FAM107B: variants seen among roughly 807,000 people sequenced by gnomAD.
FAM107B encodes family with sequence similarity 107 member B, also known as protein FAM107B.
Under a neutral mutation model 31.5 loss-of-function variants are expected in FAM107B, and 21 were observed. That is an observed-to-expected ratio of 0.67 (90% CI 0.47 to 0.96). FAM107B has a LOEUF of 0.96. Among genes scored for constraint, FAM107B ranks in the 40% least tolerant of loss-of-function variants. The probability of loss-of-function intolerance (pLI) is 0.00; values close to 1 mark genes in which losing one functional copy is unlikely to be tolerated. For synonymous variants in FAM107B, 157 were observed against 141.5 expected, an observed-to-expected ratio of 1.11 and a Z score of -0.78; for missense variants, 452 against 377.1, an observed-to-expected ratio of 1.20 and a Z score of -1.64.
rs1292744931 is a variant in FAM107B at position 14,774,687 on chromosome 10, G to A, written c.-24C>T. The A allele has an allele frequency of 1.9e-6, 3 of 1,595,350 alleles. No individual in the cohort carries two copies. In the Admixed American group the frequency reaches 5.1e-5, roughly 27 times the overall value. ...ATGACTTGCAGTGAATCATTGCAAA[G>A]TTCAAACGGGGCAAGGAAATTTTCC... On this transcript the variant is annotated 5_prime_UTR_variant, in exon 1 of 5. Coordinates refer to ENST00000181796, the MANE Select transcript of FAM107B (RefSeq NM_031453.4).
At chr10:14,582,676 C>T (rs570800676) in intron 2 of FAM107B, among the ~76,000 whole-genome samples, 25 of 152,210 alleles carry the variant, frequency 1.6e-4, no homozygotes, top group African/African-American at 6.0e-4. Flanking sequence ...CACACCCAGC[C>T]TACCCACATG....
At chr10:14,771,723 C>T (rs900313913) in intron 1 of FAM107B, among the ~76,000 whole-genome samples, 2 of 152,104 alleles carry the variant, frequency 1.3e-5, no homozygotes, top group African/African-American at 4.8e-5. Flanking sequence ...CGTTATGTTG[C>T]CCAGGCTGGT....
intron 2 of FAM107B, among the ~76,000 whole-genome samples, chr10:14,651,725 T>C (rs1853904909): frequency 6.6e-6 from 1 of 152,208 alleles, no homozygotes; most frequent in South Asian, 2.1e-4. Flanking sequence ...AGAATTTGAC[T>C]TGCACCCTCA....
At chr10:14,758,097 T>G (rs1406086157) in intron 1 of FAM107B, among the ~76,000 whole-genome samples, 4 of 152,190 alleles carry the variant, frequency 2.6e-5, no homozygotes, top group Non-Finnish European at 4.4e-5. Flanking sequence ...TTTTTAAGTT[T>G]CAAAGGAGAT....
chr10:14,718,914 T>C lies in FAM107B; in HGVS notation c.412-51223A>G, dbSNP rs74907980. On this transcript the variant is annotated intron_variant, in intron 1 of 4. Coordinates refer to ENST00000181796, the MANE Select transcript of FAM107B (RefSeq NM_031453.4). ...TGATCATTTTTGACTCTCAACGACC[T>C]TGAGAGGTGGGAAGAGTAAATTTTT... Among the ~76,000 whole-genome samples the C allele has an allele frequency of 3.4e-3, 525 of 152,280 alleles. 11 individuals are homozygous for C. In the East Asian group the frequency reaches 0.046, roughly 13 times the overall value.
intron 2 of FAM107B, among the ~76,000 whole-genome samples, chr10:14,603,002 C>CACAT (rs1554839351): frequency 1.8e-5 from 2 of 113,372 alleles, no homozygotes; most frequent in Non-Finnish European, 3.5e-5. Flanking sequence ...CTCTTTCCCA[C>CACAT]ACACACACAC....
At chr10:14,766,745 G>A (rs74429908) in intron 1 of FAM107B, among the ~76,000 whole-genome samples, 1 of 151,540 alleles carries the variant, frequency 6.6e-6, no homozygotes, top group East Asian at 2.0e-4. Context: ...CACCAAGACT[G>A]ATTCAGGAAG....
In FAM107B at chr10:14,541,360, C is replaced by T. The variant is rs530632569; in HGVS notation, c.470-10845G>A. Among the ~76,000 whole-genome samples the T allele has an allele frequency of 4.6e-5, 7 of 152,274 alleles. No homozygotes were observed. The South Asian group carries it at 1.0e-3, about 23-fold the overall frequency. ...GTGGCCCCCTTCTCGATAGTGGAGT[C>T]CTCAATTACCTTTACAAATGTGTGG... On this transcript the variant is annotated intron_variant, in intron 2 of 4. Transcript: ENST00000181796.
chr10:14,624,533 G>A (rs1019610334), intron 2 of FAM107B, among the ~76,000 whole-genome samples: 2 of 152,066 alleles, frequency 1.3e-5, no homozygotes, highest in Non-Finnish European at 2.9e-5. Context: ...CTACTCGGGA[G>A]GCTGAGGCAG....
At position 14,749,331 on chromosome 10, in the gene FAM107B, G is replaced by C. The variant is rs1220602929; in HGVS notation, c.411+24922C>G. ...TCTGAGGGGTGACTGCCGGATGGAA[G>C]GCTGTGCCCTCCGTGTGACCTAATG... On this transcript the variant is annotated intron_variant, in intron 1 of 4. Coordinates refer to ENST00000181796, the MANE Select transcript of FAM107B (RefSeq NM_031453.4). 2.0e-5 allele frequency among the ~76,000 whole-genome samples: 3 copies of C among 152,280 alleles called. No individual in the cohort carries two copies. In the East Asian group the frequency reaches 5.8e-4, roughly 29 times the overall value.
chr10:14,534,070 A>T (rs1847343484), intron 2 of FAM107B, among the ~76,000 whole-genome samples: 2 of 152,178 alleles, frequency 1.3e-5, no homozygotes, highest in South Asian at 4.1e-4. Context: ...CACAGGGGCA[A>T]ACATCTTCCT....
intron 1 of FAM107B, among the ~76,000 whole-genome samples, chr10:14,753,553 C>T (rs12263594): frequency 0.036 from 5,478 of 152,264 alleles, 341 homozygotes; most frequent in African/African-American, 0.12. Context: ...TAGTTAACTC[C>T]CAAAGTGAAA....
chr10:14,597,925 G>A (rs1417888786), intron 2 of FAM107B, among the ~76,000 whole-genome samples: 1 of 152,142 alleles, frequency 6.6e-6, no homozygotes, highest in African/African-American at 2.4e-5. Flanking sequence ...ACTCCAGCCT[G>A]GGTGACAGAG....
At chr10:14,693,129 T>C (rs1260483063) in intron 1 of FAM107B, among the ~76,000 whole-genome samples, 1 of 152,338 alleles carries the variant, frequency 6.6e-6, no homozygotes, top group East Asian at 1.9e-4. Context: ...ATTCTAACTT[T>C]CAATTAGTCT....
rs574915310 is a variant in FAM107B at position 14,660,614 on chromosome 10, C to T, written c.469+7020G>A. ...TAGTTTCTGTATGTCACCTACAAAC[C>T]TGAGTCTTTGTGCTAAAATTGTTCA... On this transcript the variant is annotated intron_variant, in intron 2 of 4. Coordinates refer to ENST00000181796, the MANE Select transcript of FAM107B (RefSeq NM_031453.4). 1.4e-3 allele frequency among the ~76,000 whole-genome samples: 206 copies of T among 152,288 alleles called. No homozygotes were observed. In the South Asian group the frequency reaches 0.015, roughly 11 times the overall value.
intron 1 of FAM107B, among the ~76,000 whole-genome samples, chr10:14,678,705 C>A (rs1432001811): frequency 6.6e-6 from 1 of 151,908 alleles, no homozygotes; most frequent in African/African-American, 2.4e-5. Context: ...GGAAAAAGAA[C>A]TTCAATATGA....
At chr10:14,587,440 AC>A (rs1413903878) in intron 2 of FAM107B, among the ~76,000 whole-genome samples, 1 of 152,268 alleles carries the variant, frequency 6.6e-6, no homozygotes, top group African/African-American at 2.4e-5. Context: ...GACAACAGAC[AC>A]AGTCGACAAA....
chr10:14,522,213 A>G, intron 3 of FAM107B, 194 bp from the exon 4 acceptor site: 1 of 677,000 alleles, frequency 1.5e-6, no homozygotes, highest in East Asian at 2.8e-5. Context: ...GGAGATCTCC[A>G]AAGAGTACAT....
chr10:14,557,091 C>CA (rs1202942315), intron 2 of FAM107B, among the ~76,000 whole-genome samples: 3 of 152,238 alleles, frequency 2.0e-5, no homozygotes, highest in Non-Finnish European at 2.9e-5. Context: ...CTCACCTTCT[C>CA]AGTCTGTATT....
Sources: allele counts gnomAD v4.1 joint callset (sites outside exome capture counted in the v4.1 genomes callset), GRCh38; gene constraint gnomAD v4.1.1; transcripts MANE v1.5; gene names NCBI Gene and HGNC (gene_info 2026-07-23, HGNC 2026-07-21).